The following CKAP5 variants were observed in gnomAD, a reference collection of about 807,000 sequenced individuals.
CKAP5 encodes cytoskeleton associated protein 5.
CKAP5 carries 27 observed loss-of-function variants against 232.8 expected under a neutral mutation model. The ratio of observed to expected loss-of-function variants is 0.12; its 90% CI spans 0.09 to 0.16. CKAP5 has a LOEUF of 0.16. Ranked by LOEUF, CKAP5 falls within the 10% of genes least tolerant of loss-of-function variation. CKAP5 has a pLI of 1.00. For synonymous variants in CKAP5, 785 were observed against 841.1 expected, an observed-to-expected ratio of 0.93 and a Z score of 1.16; for missense variants, 1,838 against 2,424.7, an observed-to-expected ratio of 0.76 and a Z score of 5.08.
intron 2 of CKAP5, among the ~76,000 whole-genome samples, chr11:46,819,545 G>A (rs866786827): frequency 6.6e-6 from 1 of 152,186 alleles, no homozygotes; most frequent in Non-Finnish European, 1.5e-5. Flanking sequence ...TAAAGAATTA[G>A]ATGTTTGTCC....
At chr11:46,808,953 G>A (rs1939215483) in intron 7 of CKAP5, among the ~76,000 whole-genome samples, 1 of 152,178 alleles carries the variant, frequency 6.6e-6, no homozygotes. Flanking sequence ...AGACATTTTT[G>A]ATTGTCATGA....
intron 33 of CKAP5, 52 bp from the exon 34 acceptor site, chr11:46,759,494 G>C (rs1218204846): frequency 1.3e-6 from 2 of 1,549,004 alleles, no homozygotes; most frequent in Non-Finnish European, 8.7e-7. Context: ...CTTAACCAAA[G>C]GGCAAGAGTA....
At chr11:46,832,126 C>T (rs548592138) in intron 1 of CKAP5, among the ~76,000 whole-genome samples, 99 of 152,242 alleles carry the variant, frequency 6.5e-4, no homozygotes, top group African/African-American at 2.3e-3. Context: ...TCCCAAAGTG[C>T]TGGGATTACA....
intron 23 of CKAP5, among the ~76,000 whole-genome samples, 172 bp from the exon 24 acceptor site, chr11:46,776,555 C>G (rs1234473549): frequency 6.6e-6 from 1 of 152,116 alleles, no homozygotes; most frequent in Non-Finnish European, 1.5e-5. Context: ...TACTAAAACT[C>G]CAAAGTAAAG....
Position 46,760,742 on chromosome 11 carries a change from G to A in CKAP5, c.4264C>T (p.Arg1422Trp), listed in dbSNP as rs1201578511. The change falls in exon 33 of 44, where the codon CGG (arginine) becomes TGG (tryptophan). Residue 1422 changes from arginine (R) to tryptophan (W), a missense_variant. Physicochemically the swap from Arg to Trp is moderately radical, Grantham distance 101 (BLOSUM62 -3). Around this residue, in one of 6 missense-constraint regions of CKAP5, gnomAD observed 579 missense variants for 843.2 expected, o/e 0.69. Coordinates refer to ENST00000529230, the MANE Select transcript of CKAP5 (RefSeq NM_001008938.4). ...DMSMLEERIK[R>W]SAKRPSAAPI... ...GCAGCAGAGGGTCTCTTTGCTGACCGCTTAATCCTCTCCTCGAGCATGCTC... is the reference window on the plus strand; with the variant it reads ...GCAGCAGAGGGTCTCTTTGCTGACCACTTAATCCTCTCCTCGAGCATGCTC... The A allele has an allele frequency of 9.3e-6, 15 of 1,614,018 alleles. No individual in the cohort carries two copies. The highest frequency in any genetic ancestry group is 2.2e-5 in the East Asian group (1 of 44,900).
In CKAP5 at chr11:46,809,788, T is replaced by C. The variant is rs1274068184; in HGVS notation, c.717A>G (p.Glu239=). The stretch of plus-strand genomic sequence containing the variant: ...CAGACTGTTGTTGTTCCAATTTAGC[T>C]TCTAGTTCTTGTTGGGAACGAAGAA... ...TRFLRSQQEL[E]AKLEQQQSAG... The change falls in exon 6 of 44, where the codon GAA becomes GAG. Residue 239 remains glutamate (E), a synonymous_variant. Coordinates refer to ENST00000529230, the MANE Select transcript of CKAP5 (RefSeq NM_001008938.4). The C allele has an allele frequency of 5.0e-6, 8 of 1,614,144 alleles. No homozygotes were observed. The highest frequency in any genetic ancestry group is 6.8e-6 in the Non-Finnish European group (8 of 1,180,010).
chr11:46,833,481 A>C (rs1232748098), intron 1 of CKAP5, among the ~76,000 whole-genome samples: 3 of 149,006 alleles, frequency 2.0e-5, no homozygotes, highest in African/African-American at 7.4e-5. Context: ...TATTATTATT[A>C]ATTTTTTTTT....
At chr11:46,787,957 C>A (rs979936630) in intron 16 of CKAP5, among the ~76,000 whole-genome samples, 14 of 152,182 alleles carry the variant, frequency 9.2e-5, no homozygotes, top group Non-Finnish European at 1.9e-4. Context: ...AATTGAAGAC[C>A]TTTATGATGA....
intron 4 of CKAP5, among the ~76,000 whole-genome samples, chr11:46,813,943 C>G (rs954437180): frequency 2.0e-5 from 3 of 151,548 alleles, no homozygotes; most frequent in African/African-American, 7.3e-5. Flanking sequence ...ACCAGCCTGA[C>G]CAACATGGAG....
chr11:46,757,282 T>C (rs59426098), intron 35 of CKAP5, among the ~76,000 whole-genome samples: 4 of 150,922 alleles, frequency 2.7e-5, no homozygotes, highest in African/African-American at 7.3e-5. Context: ...CACCTGAGGT[T>C]GGGAGTTCAA....
At chr11:46,823,442 C>T (rs1939589063) in intron 1 of CKAP5, among the ~76,000 whole-genome samples, 1 of 152,148 alleles carries the variant, frequency 6.6e-6, no homozygotes, top group East Asian at 1.9e-4. Context: ...AAAAGACAGG[C>T]ATAATCCCCT....
chr11:46,746,822 G>C (rs966171480), intron 42 of CKAP5, among the ~76,000 whole-genome samples: 3 of 152,194 alleles, frequency 2.0e-5, no homozygotes, highest in African/African-American at 7.2e-5. Flanking sequence ...GGTATCATCA[G>C]GTGATAGCAA....
rs1447272386 is a variant in CKAP5, at chr11:46,809,504, T to G, written c.764-4A>C. On this transcript the variant is annotated splice_polypyrimidine_tract_variant and splice_region_variant and intron_variant, in intron 6 of 43. Coordinates refer to ENST00000529230, the MANE Select transcript of CKAP5 (RefSeq NM_001008938.4). Reference sequence around the variant, plus strand: ...ACCTCATCACCATCATCACCACCTTTAAGGAGAAAAACAACACAAACCTTA... The same window carrying G: ...ACCTCATCACCATCATCACCACCTTGAAGGAGAAAAACAACACAAACCTTA... The G allele has an allele frequency of 6.3e-7, 1 of 1,599,806 alleles. No individual in the cohort carries two copies. Among genetic ancestry groups the G allele is most frequent in the African/African-American group, 1.3e-5 (1 of 74,536 alleles).
intron 35 of CKAP5, among the ~76,000 whole-genome samples, chr11:46,756,849 G>A (rs546979651): frequency 5.3e-5 from 8 of 150,906 alleles, no homozygotes; most frequent in South Asian, 4.2e-4. Context: ...TCCACCTCCC[G>A]GGTTCAAGCT....
At chr11:46,824,248 T>C (rs1342414149) in intron 1 of CKAP5, among the ~76,000 whole-genome samples, 1 of 152,198 alleles carries the variant, frequency 6.6e-6, no homozygotes, top group African/African-American at 2.4e-5. Context: ...TCATTAAGAT[T>C]TTTCTTCAAA....
At chr11:46,746,898 G>T (rs570798748) in intron 42 of CKAP5, among the ~76,000 whole-genome samples, 1 of 152,198 alleles carries the variant, frequency 6.6e-6, no homozygotes, top group Admixed American at 6.5e-5. Flanking sequence ...AGGCTGAGGT[G>T]GGGGGATCAC....
intron 13 of CKAP5, among the ~76,000 whole-genome samples, chr11:46,795,348 T>C (rs1938844290): frequency 6.6e-6 from 1 of 151,560 alleles, no homozygotes; most frequent in Non-Finnish European, 1.5e-5. Context: ...AAAGTTAAGA[T>C]AGTAAATTTT....
chr11:46,838,662 G>T (rs1006806017), intron 1 of CKAP5, among the ~76,000 whole-genome samples: 1 of 145,174 alleles, frequency 6.9e-6, no homozygotes, highest in Admixed American at 7.0e-5. Flanking sequence ...CGGGTGTGGT[G>T]GCACTCGCCT....
chr11:46,804,702 G>A (rs1363438897), intron 8 of CKAP5, among the ~76,000 whole-genome samples: 2 of 151,972 alleles, frequency 1.3e-5, no homozygotes, highest in Non-Finnish European at 2.9e-5. Flanking sequence ...ATGAATTACT[G>A]TGTTTAGAAA....
Sources: allele counts gnomAD v4.1 joint callset (sites outside exome capture counted in the v4.1 genomes callset), GRCh38; gene constraint gnomAD v4.1.1; regional missense constraint gnomAD v4.1.1; transcripts MANE v1.5; gene names NCBI Gene and HGNC (gene_info 2026-07-23, HGNC 2026-07-21).